AR: variants seen among roughly 807,000 people sequenced by gnomAD.
AR encodes the protein dihydrotestosterone receptor.
AR carries 8 observed loss-of-function variants against 53.9 expected under a neutral mutation model. The observed-to-expected ratio is 0.15, with a 90% CI of 0.09 to 0.27. The LOEUF is 0.27. Ranked by LOEUF, AR falls within the 10% of genes least tolerant of loss-of-function variation. The pLI is 1.00. For missense variants in AR, 639 were observed against 742.5 expected, an observed-to-expected ratio of 0.86 and a Z score of 1.62; for synonymous variants, 359 against 316.4, an observed-to-expected ratio of 1.13 and a Z score of -1.43.
At position 67,726,755 on chromosome X, in the gene AR, C is replaced by A. The variant is rs979556578; in HGVS notation, c.*2914C>A. On this transcript the variant is annotated 3_prime_UTR_variant, in exon 8 of 8. Coordinates refer to ENST00000374690, the MANE Select transcript of AR (RefSeq NM_000044.6). ...GAGGAGGATTTTTTTTTTCTTTTGG[C>A]CATTGATGTTCTAGCCAATGTAATT... 9.3e-5 allele frequency: 16 copies of A among 172,905 alleles called. No homozygotes were observed. The highest frequency in any genetic ancestry group is 3.6e-4 in the African/African-American group (12 of 33,645). 14.2% of individuals were successfully genotyped at this position (172,905 alleles called of 1,213,427 possible). A position where few individuals can be genotyped will look rare whatever the true frequency, so the allele number is the denominator to read the frequency against.
At chrX:67,706,977 C>G (rs771753054) in intron 3 of AR, among the ~76,000 whole-genome samples, 1 of 112,003 alleles carries the variant, frequency 8.9e-6, no homozygotes, top group East Asian at 2.8e-4. Flanking sequence ...TTTCTTAATC[C>G]TGAGTTCCAG....
At chrX:67,566,538 G>A (rs1039640765) in intron 1 of AR, among the ~76,000 whole-genome samples, 1 of 111,613 alleles carries the variant, frequency 9.0e-6, no homozygotes, top group African/African-American at 3.3e-5. Context: ...GTGTGTATTT[G>A]TGTGTGTGAA....
chrX:67,674,307 G>T (rs952630244), intron 2 of AR, among the ~76,000 whole-genome samples: 1 of 110,249 alleles, frequency 9.1e-6, no homozygotes, highest in Non-Finnish European at 1.9e-5. Flanking sequence ...GCACAGCACT[G>T]AGTCTCGCCC....
intron 2 of AR, among the ~76,000 whole-genome samples, chrX:67,651,973 C>A (rs1451894416): frequency 9.0e-6 from 1 of 111,367 alleles, no homozygotes; most frequent in Non-Finnish European, 1.9e-5. Flanking sequence ...TATGACCAAG[C>A]TAAAGAAAGA....
intron 7 of AR, 73 bp downstream of exon 7, chrX:67,723,057 A>T: frequency 8.8e-7 from 1 of 1,136,151 alleles, no homozygotes. Context: ...GCTTCTCTAG[A>T]GTCTGGCACC....
At chrX:67,686,217 G>T in intron 3 of AR, 91 bp downstream of exon 3, 2 of 978,796 alleles carry the variant, frequency 2.0e-6, no homozygotes, top group Non-Finnish European at 1.4e-6. Flanking sequence ...TTTCTTCTTT[G>T]ATGCTTCCAA....
At chrX:67,680,648 TTC>T in intron 2 of AR, 1 of 327,016 alleles carries the variant, frequency 3.1e-6, no homozygotes, top group Non-Finnish European at 5.9e-6. Flanking sequence ...ACTCAACCCT[TTC>T]TTTGTTTGCA....
Position 67,724,863 on chromosome X carries a change from A to G in AR, c.*1022A>G, listed in dbSNP as rs1389462270. Reference sequence around the variant, plus strand: ...TCTGACCACTGAGAAGAAGGAGAGCAGAGATTTAACCCTTTGTAAGGCCCC... The same window carrying G: ...TCTGACCACTGAGAAGAAGGAGAGCGGAGATTTAACCCTTTGTAAGGCCCC... On this transcript the variant is annotated 3_prime_UTR_variant, in exon 8 of 8. Transcript: ENST00000374690. 1 of 173,110 alleles carries G rather than the reference A, an allele frequency of 5.8e-6. No individual in the cohort carries two copies. The highest frequency in any genetic ancestry group is 3.0e-5 in the African/African-American group (1 of 33,543). The allele number at this position is 173,110 out of a possible 1,213,427, so 14.3% of individuals were successfully genotyped here. A position where few individuals can be genotyped will look rare whatever the true frequency, so the allele number is the denominator to read the frequency against.
intron 2 of AR, among the ~76,000 whole-genome samples, chrX:67,661,944 A>T (rs1325181724): frequency 8.9e-6 from 1 of 111,859 alleles, no homozygotes; most frequent in Admixed American, 9.5e-5. Flanking sequence ...CGAGGAATTT[A>T]TCCATTTCTT....
At chrX:67,704,954 G>T (rs2076059280) in intron 3 of AR, among the ~76,000 whole-genome samples, 1 of 111,875 alleles carries the variant, frequency 8.9e-6, no homozygotes, top group Non-Finnish European at 1.9e-5. Flanking sequence ...TCAGATGGTT[G>T]TAGATACGCA....
chrX:67,572,417 G>C (rs978913607), intron 1 of AR, among the ~76,000 whole-genome samples: 2 of 110,752 alleles, frequency 1.8e-5, no homozygotes, highest in African/African-American at 6.6e-5. Flanking sequence ...TGACCTCAGG[G>C]GTGTAGTGAC....
chrX:67,719,612 A>G (rs1294965825), intron 5 of AR, among the ~76,000 whole-genome samples: 2 of 111,833 alleles, frequency 1.8e-5, no homozygotes, highest in African/African-American at 6.5e-5. Flanking sequence ...GTGTCTACAA[A>G]CATCTAGATA....
chrX:67,728,615 A>G lies in AR; in HGVS notation c.*4774A>G, dbSNP rs867116019. Reference sequence around the variant, plus strand: ...TATATATATATATATATATATATATAGTGTGTGTGTGTGTTCTGATAGCTT... The same window carrying G: ...TATATATATATATATATATATATATGGTGTGTGTGTGTGTTCTGATAGCTT... On this transcript the variant is annotated 3_prime_UTR_variant, in exon 8 of 8. Transcript: ENST00000374690. 8 of 92,974 alleles carry G rather than the reference A, an allele frequency of 8.6e-5. No homozygotes were observed. Among genetic ancestry groups the G allele is most frequent in the African/African-American group, 1.7e-4 (4 of 23,321 alleles). 7.7% of individuals were successfully genotyped at this position (92,974 alleles called of 1,213,427 possible). A position where few individuals can be genotyped will look rare whatever the true frequency, so the allele number is the denominator to read the frequency against.
At chrX:67,550,860 G>T (rs1158598220) in intron 1 of AR, among the ~76,000 whole-genome samples, 1 of 108,235 alleles carries the variant, frequency 9.2e-6, no homozygotes, top group Non-Finnish European at 1.9e-5. Context: ...ACTTCTCAGG[G>T]TATTTTTCTT....
chrX:67,659,341 A>G (rs898325836), intron 2 of AR, among the ~76,000 whole-genome samples: 22 of 110,450 alleles, frequency 2.0e-4, no homozygotes, highest in African/African-American at 5.9e-4. Flanking sequence ...AACATTAGGT[A>G]TATCTCCTAA....
At chrX:67,616,201 TA>T (rs1309674292) in intron 1 of AR, among the ~76,000 whole-genome samples, 2 of 111,489 alleles carry the variant, frequency 1.8e-5, no homozygotes, top group Non-Finnish European at 3.8e-5. Flanking sequence ...ACTCCATTAT[TA>T]TTTTTTTATT....
chrX:67,578,480 C>G (rs975557876), intron 1 of AR, among the ~76,000 whole-genome samples: 1 of 111,520 alleles, frequency 9.0e-6, no homozygotes, highest in African/African-American at 3.3e-5. Flanking sequence ...AGTGGGAAAT[C>G]ATGAAACCCC....
chrX:67,721,796 C>G (rs755178375), intron 5 of AR, 37 bp from the exon 6 acceptor site: 3 of 1,209,628 alleles, frequency 2.5e-6, no homozygotes, highest in Non-Finnish European at 3.4e-6. Flanking sequence ...TGTAAACTTC[C>G]CCTCATTCCT....
At chrX:67,618,915 A>C (rs893484084) in intron 1 of AR, among the ~76,000 whole-genome samples, 5 of 111,711 alleles carry the variant, frequency 4.5e-5, no homozygotes, top group Admixed American at 2.8e-4. Flanking sequence ...AAGATTGTGA[A>C]GGTATTGAGA....
Sources: gnomAD v4.1 joint callset for allele counts (sites outside exome capture counted in the v4.1 genomes callset) on GRCh38, gnomAD v4.1.1 for gene constraint, MANE v1.5 for transcripts, NCBI Gene and HGNC (gene_info 2026-07-23, HGNC 2026-07-21) for gene names.